AGBL4: variants seen among roughly 807,000 people sequenced by gnomAD.
AGBL4 encodes the protein cytosolic carboxypeptidase 6.
In AGBL4, 58 loss-of-function variants were observed where a neutral mutation model predicts 66.4. The observed-to-expected ratio is 0.87, with a 90% CI of 0.71 to 1.09. The LOEUF (loss-of-function observed/expected upper bound fraction) is 1.09. AGBL4 is among the 50% of genes least tolerant of loss of function. AGBL4 has a pLI of 0.00. For synonymous variants in AGBL4, 234 were observed against 222.9 expected (o/e 1.05, Z -0.44); for missense variants, 579 against 631.0 (o/e 0.92, Z 0.88).
intron 5 of AGBL4, among the ~76,000 whole-genome samples, chr1:48,982,589 T>C (rs1452280911): frequency 6.6e-6 from 1 of 152,200 alleles, no homozygotes; most frequent in Non-Finnish European, 1.5e-5. Context: ...ATTTTCTTAA[T>C]CCAGTCTATC....
At chr1:48,917,639 T>C (rs1653703658) in intron 5 of AGBL4, among the ~76,000 whole-genome samples, 1 of 152,232 alleles carries the variant, frequency 6.6e-6, no homozygotes, top group South Asian at 2.1e-4. Context: ...AAACTGACAT[T>C]GTGCCTGTCC....
chr1:50,000,110 G>A (rs1305811442), intron 1 of AGBL4, among the ~76,000 whole-genome samples: 1 of 152,098 alleles, frequency 6.6e-6, no homozygotes, highest in Non-Finnish European at 1.5e-5. Flanking sequence ...CACAGCAAAA[G>A]AAATAATCAG....
intron 3 of AGBL4, among the ~76,000 whole-genome samples, chr1:49,416,226 G>A (rs1303074266): frequency 6.6e-6 from 1 of 152,094 alleles, no homozygotes; most frequent in Non-Finnish European, 1.5e-5. Context: ...ATTTATACAT[G>A]TGGTAATATA....
chr1:49,035,496 G>A lies in AGBL4; in HGVS notation c.594+10088C>T, dbSNP rs959819737. Among the ~76,000 whole-genome samples, 15 of 152,254 alleles carry A rather than the reference G, an allele frequency of 9.9e-5. 1 individual carries two copies. The highest frequency in any genetic ancestry group is 3.4e-4 in the African/African-American group (14 of 41,570). On this transcript the variant is annotated intron_variant, in intron 5 of 13. Coordinates refer to ENST00000371839, the MANE Select transcript of AGBL4 (RefSeq NM_032785.4). ...GGGTTTTATATGTTGACATACTTCT[G>A]GGGTCTTGCATTACTTTTCTCCTGA...
At chr1:49,387,758 C>G (rs1644765185) in intron 3 of AGBL4, among the ~76,000 whole-genome samples, 1 of 152,090 alleles carries the variant, frequency 6.6e-6, no homozygotes, top group East Asian at 1.9e-4. Flanking sequence ...GCATGCTAGA[C>G]TTTTGTACCC....
chr1:49,690,376 T>C (rs1020976948), intron 3 of AGBL4, among the ~76,000 whole-genome samples: 1 of 152,190 alleles, frequency 6.6e-6, no homozygotes, highest in Non-Finnish European at 1.5e-5. Flanking sequence ...AGGAGGATTA[T>C]GTGTTTCAGT....
At chr1:48,652,852 A>G (rs1645953589) in intron 8 of AGBL4, among the ~76,000 whole-genome samples, 1 of 152,194 alleles carries the variant, frequency 6.6e-6, no homozygotes, top group South Asian at 2.1e-4. Flanking sequence ...TGTTTTTCAG[A>G]TGACCTGGGA....
intron 3 of AGBL4, among the ~76,000 whole-genome samples, chr1:49,417,080 G>T (rs1645442856): frequency 6.6e-6 from 1 of 152,000 alleles, no homozygotes; most frequent in Non-Finnish European, 1.5e-5. Context: ...GCAGACATGT[G>T]TTACAATTGA....
At chr1:49,267,822 T>C (rs1365639922) in intron 3 of AGBL4, among the ~76,000 whole-genome samples, 1 of 151,952 alleles carries the variant, frequency 6.6e-6, no homozygotes, top group Non-Finnish European at 1.5e-5. Flanking sequence ...CAAGACAGAA[T>C]GAGAGCCAAG....
Position 49,697,246 on chromosome 1 carries a change from C to A in AGBL4, c.282+67G>T, listed in dbSNP as rs751553591. 5.5e-6 allele frequency: 8 copies of A among 1,449,938 alleles called. No homozygotes were observed. In the African/African-American group the frequency reaches 7.0e-5, roughly 13 times the overall value. The allele number at this position is 1,449,938 out of a possible 1,614,324, so 89.8% of individuals were successfully genotyped here. A position where few individuals can be genotyped will look rare whatever the true frequency, so the allele number is the denominator to read the frequency against. On this transcript the variant is annotated intron_variant, in intron 3 of 13. Transcript: ENST00000371839. ...TAATATAGTCATTATTTTGATATTT[C>A]TAAAAGAAGACAAAAGCATATTATT...
At position 49,638,641 on chromosome 1, in the gene AGBL4, C is replaced by A. The variant is rs1335138205; in HGVS notation, c.282+58672G>T. Among the ~76,000 whole-genome samples the A allele has an allele frequency of 2.6e-5, 4 of 152,130 alleles. No homozygotes were observed. In the East Asian group the frequency reaches 7.7e-4, roughly 29 times the overall value. ...TGATAGAGAATAAGTCTTACAAGAT[C>A]TGATGGTTTCATAAAGGGCAGTTCC... On this transcript the variant is annotated intron_variant, in intron 3 of 13. Coordinates refer to ENST00000371839, the MANE Select transcript of AGBL4 (RefSeq NM_032785.4).
chr1:49,792,137 A>G (rs1003890426), intron 2 of AGBL4, among the ~76,000 whole-genome samples: 1 of 152,072 alleles, frequency 6.6e-6, no homozygotes, highest in Non-Finnish European at 1.5e-5. Flanking sequence ...TTTTTATAAT[A>G]TGGTGGTATT....
At chr1:48,893,531 A>AAAAATTAGC (rs1204173917) in intron 5 of AGBL4, among the ~76,000 whole-genome samples, 1 of 151,694 alleles carries the variant, frequency 6.6e-6, no homozygotes, top group Non-Finnish European at 1.5e-5. Flanking sequence ...AATACAAAAA[A>AAAAATTAGC]AAAATTAGCT....
At chr1:49,219,947 T>C (rs1392157162) in intron 4 of AGBL4, among the ~76,000 whole-genome samples, 2 of 152,176 alleles carry the variant, frequency 1.3e-5, no homozygotes, top group Non-Finnish European at 2.9e-5. Context: ...AAGGGTAGCT[T>C]CAAAACATTT....
At chr1:49,918,415 T>C (rs1000659612) in intron 1 of AGBL4, among the ~76,000 whole-genome samples, 1 of 152,014 alleles carries the variant, frequency 6.6e-6, no homozygotes, top group Non-Finnish European at 1.5e-5. Flanking sequence ...TCACCACCGA[T>C]CCCACAGAAA....
In AGBL4 at chr1:49,947,897, C is replaced by T. The variant is rs1209807747; in HGVS notation, c.34+75866G>A. 1.1e-4 allele frequency among the ~76,000 whole-genome samples: 12 copies of T among 106,520 alleles called. No individual in the cohort carries two copies. In the Admixed American group the frequency reaches 1.2e-3, roughly 11 times the overall value. The allele number at this position is 106,520 out of a possible 152,430, so 69.9% of individuals were successfully genotyped here. On this transcript the variant is annotated intron_variant, in intron 1 of 13. Coordinates refer to ENST00000371839, the MANE Select transcript of AGBL4 (RefSeq NM_032785.4). The stretch of plus-strand genomic sequence containing the variant: ...AATCAGCAGCTCTTCTATGCACCAA[C>T]AGCGACCAAGCTGAGAATCAAATCA...
chr1:49,529,306 T>C (rs1167114309), intron 3 of AGBL4, among the ~76,000 whole-genome samples: 1 of 152,164 alleles, frequency 6.6e-6, no homozygotes, highest in Non-Finnish European at 1.5e-5. Flanking sequence ...GAAAAGACTA[T>C]TTTATTTCCA....
chr1:48,870,236 T>A (rs547385954), intron 5 of AGBL4, among the ~76,000 whole-genome samples: 3 of 152,082 alleles, frequency 2.0e-5, no homozygotes, highest in East Asian at 3.9e-4. Context: ...TCAAGTAGGA[T>A]CCTAGTGAGA....
chr1:48,613,571 G>A (rs957351638), intron 9 of AGBL4, among the ~76,000 whole-genome samples: 3 of 152,174 alleles, frequency 2.0e-5, no homozygotes, highest in East Asian at 1.9e-4. Flanking sequence ...TTGAGGACAC[G>A]CTTTGGCTAA....
Sources: gnomAD v4.1 joint callset for allele counts (sites outside exome capture counted in the v4.1 genomes callset) on GRCh38, gnomAD v4.1.1 for gene constraint, MANE v1.5 for transcripts, NCBI Gene and HGNC (gene_info 2026-07-23, HGNC 2026-07-21) for gene names.